Variants in MAGI2 observed in about 807,000 individuals in gnomAD.
The protein encoded by MAGI2 is membrane-associated guanylate kinase, WW and PDZ domain-containing protein 2.
MAGI2 carries 35 observed loss-of-function variants against 133.3 expected under a neutral mutation model. The ratio of observed to expected loss-of-function variants is 0.26; its 90% CI spans 0.20 to 0.35. The LOEUF (loss-of-function observed/expected upper bound fraction) is 0.35. Among genes scored for constraint, MAGI2 ranks in the 10% least tolerant of loss-of-function variants. MAGI2 has a pLI of 1.00. For synonymous variants in MAGI2, 729 were observed against 710.6 expected (o/e 1.03, Z -0.41); for missense variants, 1,636 against 1,863.4 (o/e 0.88, Z 2.25).
intron 21 of MAGI2, among the ~76,000 whole-genome samples, chr7:78,057,517 G>GT (rs759590443): frequency 3.7e-4 from 57 of 152,174 alleles, no homozygotes; most frequent in African/African-American, 1.3e-3. Flanking sequence ...AGGCGTGTGT[G>GT]TTTGTTTAAA....
chr7:79,338,536 A>C (rs190886601), intron 1 of MAGI2, among the ~76,000 whole-genome samples: 1 of 152,140 alleles, frequency 6.6e-6, no homozygotes, highest in Non-Finnish European at 1.5e-5. Flanking sequence ...TTTTAAAACC[A>C]GGGTCTTTAA....
At chr7:79,236,199 T>G (rs1831910807) in intron 1 of MAGI2, among the ~76,000 whole-genome samples, 1 of 152,252 alleles carries the variant, frequency 6.6e-6, no homozygotes, top group Admixed American at 6.5e-5. Flanking sequence ...AGCCATAATC[T>G]TAAATGATAA....
At chr7:79,114,439 A>C (rs1355638157) in intron 1 of MAGI2, among the ~76,000 whole-genome samples, 1 of 152,216 alleles carries the variant, frequency 6.6e-6, no homozygotes, top group Non-Finnish European at 1.5e-5. Flanking sequence ...CCTGGTTTTA[A>C]CAGAGGATGT....
rs769012473 is a variant in MAGI2 at position 78,167,997 on chromosome 7, G to A, written c.2515C>T (p.Arg839Cys). Residue 839 changes from arginine (R) to cysteine (C), a missense_variant, in exon 15 of 22, where the codon CGC (arginine) becomes TGC (cysteine). Arg to Cys is a radical substitution (Grantham distance 180, BLOSUM62 -3). Transcript: ENST00000354212. ...DGIPVAGKTH[R>C]YVIDLMHHAA... is the part of the protein sequence containing the mutation. ...TGGTGCATGAGGTCGATGACATAGC[G>A]GTGGGTTTTGCCGGCTACTGGAATC... The A allele has an allele frequency of 3.6e-5, 58 of 1,613,996 alleles. No individual in the cohort carries two copies. The highest frequency in any genetic ancestry group is 6.7e-5 in the East Asian group (3 of 44,886).
chr7:79,345,486 G>C (rs1410108635), intron 1 of MAGI2, among the ~76,000 whole-genome samples: 3 of 152,054 alleles, frequency 2.0e-5, no homozygotes, highest in African/African-American at 7.2e-5. Flanking sequence ...TGCTACAACA[G>C]TCCGAGCATA....
intron 7 of MAGI2, chr7:78,350,190 A>C (rs903772634): frequency 2.6e-5 from 4 of 152,212 alleles, no homozygotes; most frequent in African/African-American, 9.6e-5. Context: ...CAGGATATTT[A>C]AGGATGAGAT....
At chr7:79,075,147 A>G (rs1021108686) in intron 1 of MAGI2, among the ~76,000 whole-genome samples, 1 of 152,128 alleles carries the variant, frequency 6.6e-6, no homozygotes, top group Non-Finnish European at 1.5e-5. Context: ...CTCTCTTTTT[A>G]TTCAGTAAAT....
intron 2 of MAGI2, among the ~76,000 whole-genome samples, chr7:78,922,266 T>C (rs1018063741): frequency 3.3e-5 from 5 of 151,912 alleles, no homozygotes; most frequent in East Asian, 1.9e-4. Context: ...TATGTATACA[T>C]GTGCCATGCT....
At chr7:79,387,191 G>A (rs895947840) in intron 1 of MAGI2, among the ~76,000 whole-genome samples, 1 of 151,254 alleles carries the variant, frequency 6.6e-6, no homozygotes, top group African/African-American at 2.4e-5. Context: ...GAGCCTCTGG[G>A]TATGATTCAA....
intron 1 of MAGI2, among the ~76,000 whole-genome samples, chr7:79,350,976 T>C (rs975159162): frequency 2.0e-5 from 3 of 152,146 alleles, no homozygotes; most frequent in Admixed American, 2.0e-4. Context: ...TATTAATTTA[T>C]TTCATTTAAT....
chr7:78,783,855 C>T (rs1447834291), intron 2 of MAGI2, among the ~76,000 whole-genome samples: 1 of 152,160 alleles, frequency 6.6e-6, no homozygotes, highest in Non-Finnish European at 1.5e-5. Context: ...GAAAAACTCA[C>T]CATATTTCTA....
intron 3 of MAGI2, chr7:78,618,820 A>C (rs1351074964): frequency 6.6e-6 from 1 of 151,754 alleles, no homozygotes; most frequent in Non-Finnish European, 1.5e-5. Flanking sequence ...AAAAAAAGTC[A>C]AATTCATAGA....
intron 2 of MAGI2, among the ~76,000 whole-genome samples, chr7:78,725,229 T>G (rs1024248763): frequency 2.6e-5 from 4 of 152,222 alleles, no homozygotes; most frequent in Non-Finnish European, 5.9e-5. Flanking sequence ...AGTTACTAAG[T>G]TAATCTATAA....
chr7:79,012,189 G>A (rs1018041193), intron 1 of MAGI2: 2 of 152,050 alleles, frequency 1.3e-5, no homozygotes, highest in African/African-American at 4.8e-5. Context: ...TCTTGGACAT[G>A]CAGAATTATC....
intron 3 of MAGI2, among the ~76,000 whole-genome samples, chr7:78,573,244 A>ATATG (rs1801791922): frequency 1.8e-5 from 1 of 55,962 alleles, no homozygotes; most frequent in African/African-American, 7.6e-5. Context: ...ATATATATAT[A>ATATG]TAAATATATA....
chr7:78,601,349 G>T (rs1302887682), intron 3 of MAGI2, among the ~76,000 whole-genome samples: 1 of 152,132 alleles, frequency 6.6e-6, no homozygotes, highest in Admixed American at 6.5e-5. Context: ...AAAAAAATGA[G>T]GCTGGAAATG....
intron 2 of MAGI2, among the ~76,000 whole-genome samples, chr7:78,682,293 A>G (rs1303399194): frequency 6.6e-6 from 1 of 151,302 alleles, no homozygotes; most frequent in Non-Finnish European, 1.5e-5. Context: ...TTACATAGGT[A>G]TACGTGTGCC....
intron 2 of MAGI2, among the ~76,000 whole-genome samples, chr7:78,805,325 T>A (rs1177433256): frequency 6.6e-6 from 1 of 151,918 alleles, no homozygotes; most frequent in African/African-American, 2.4e-5. Context: ...TATTTCTTAT[T>A]ATCACTTATG....
At chr7:78,885,603 C>A (rs1339382504) in intron 2 of MAGI2, among the ~76,000 whole-genome samples, 2 of 147,496 alleles carry the variant, frequency 1.4e-5, no homozygotes, top group African/African-American at 4.9e-5. Flanking sequence ...CAGAGGGCAA[C>A]TGAGCATCCT....
Sources: gnomAD v4.1 joint callset for allele counts (sites outside exome capture counted in the v4.1 genomes callset) on GRCh38, gnomAD v4.1.1 for gene constraint, MANE v1.5 for transcripts, NCBI Gene and HGNC (gene_info 2026-07-23, HGNC 2026-07-21) for gene names.